The following SLC4A5 variants were observed in gnomAD, a reference collection of about 807,000 sequenced individuals.
SLC4A5 encodes solute carrier family 4 member 5.
SLC4A5 carries 96 observed loss-of-function variants against 120.4 expected under a neutral mutation model. That is an observed-to-expected ratio of 0.80 (90% CI 0.68 to 0.94). The LOEUF is 0.94. Among genes scored for constraint, SLC4A5 ranks in the 40% least tolerant of loss-of-function variants. The pLI is 0.00. For synonymous variants in SLC4A5, 550 were observed against 571.1 expected, an observed-to-expected ratio of 0.96 and a Z score of 0.53; for missense variants, 1,259 against 1,459.5, an observed-to-expected ratio of 0.86 and a Z score of 2.24.
chr2:74,264,232 G>GT lies in SLC4A5; in HGVS notation c.629dup (p.Tyr210Ter), dbSNP rs768457324. ...GGTGGCGGTGCCTCCTCAGGAGGAC[G>GT]TAACTGACCCTCTCCCGGAGCTCTG... is the stretch of plus-strand genomic sequence containing the variant. The change falls in exon 10 of 31, where the codon TAC becomes TAAC. Residue 210 changes from tyrosine to a stop codon, truncating the protein, a stop_gained and frameshift_variant. Coordinates refer to ENST00000394019, the Ensembl canonical transcript of SLC4A5. LOFTEE classifies it high-confidence loss of function. The GT allele has an allele frequency of 6.2e-7, 1 of 1,614,252 alleles. No individual in the cohort carries two copies. Among genetic ancestry groups the GT allele is most frequent in the South Asian group, 1.1e-5 (1 of 91,082 alleles).
At chr2:74,290,473 A>G in intron 7 of SLC4A5, 1 of 985,366 alleles carries the variant, frequency 1.0e-6, no homozygotes. Flanking sequence ...AGGACTGGGG[A>G]GGTGGAGAGA....
intron 14 of SLC4A5, among the ~76,000 whole-genome samples, chr2:74,254,350 A>C (rs1433388300): frequency 6.6e-6 from 1 of 152,126 alleles, no homozygotes; most frequent in Non-Finnish European, 1.5e-5. Context: ...CTTAGCTTTA[A>C]AGCCCCCTCA....
chr2:74,234,485 C>T (rs1174897107), intron 22 of SLC4A5, among the ~76,000 whole-genome samples: 2 of 152,196 alleles, frequency 1.3e-5, no homozygotes, highest in Admixed American at 1.3e-4. Context: ...CCGGTTGGTG[C>T]TCTTATGAGG....
At chr2:74,296,786 CAA>C (rs11374814) in intron 7 of SLC4A5, among the ~76,000 whole-genome samples, 14 of 73,012 alleles carry the variant, frequency 1.9e-4, no homozygotes, top group Non-Finnish European at 1.8e-4. Context: ...GACTCTGTCT[CAA>C]AAAAAAAAAA....
chr2:74,335,181 A>G (rs191278987), intron 3 of SLC4A5, among the ~76,000 whole-genome samples: 76 of 152,302 alleles, frequency 5.0e-4, no homozygotes, highest in African/African-American at 1.7e-3. Flanking sequence ...AACTTGCCCA[A>G]AGTCATGTGA....
At chr2:74,245,152 G>A (rs147052857) in intron 19 of SLC4A5, among the ~76,000 whole-genome samples, 305 of 152,046 alleles carry the variant, frequency 2.0e-3, no homozygotes, top group African/African-American at 5.5e-3. Flanking sequence ...AACCCTGTCT[G>A]TACTAAAAAT....
intron 27 of SLC4A5, 65 bp downstream of exon 27, chr2:74,226,892 G>T: frequency 1.3e-6 from 2 of 1,554,542 alleles, no homozygotes; most frequent in Non-Finnish European, 1.8e-6. Flanking sequence ...GGGAGGTTGC[G>T]CTGCACCTCT....
chr2:74,239,334 C>T lies in SLC4A5; in HGVS notation c.2319+1G>A. On this transcript the variant is annotated splice_donor_variant, in intron 21 of 30. Coordinates refer to ENST00000394019, the Ensembl canonical transcript of SLC4A5. LOFTEE classifies it high-confidence loss of function. The stretch of plus-strand genomic sequence containing the variant: ...CCCTCCTAACTGCAGGGTGAGCTTA[C>T]CTTGGTAGGAAAATAGCGGCTGAAT... The T allele has an allele frequency of 6.2e-7, 1 of 1,614,130 alleles. No homozygotes were observed. The highest frequency in any genetic ancestry group is 2.2e-5 in the East Asian group (1 of 44,890).
chr2:74,330,752 T>C (rs1040735067), intron 4 of SLC4A5, among the ~76,000 whole-genome samples: 4 of 142,214 alleles, frequency 2.8e-5, no homozygotes, highest in African/African-American at 8.0e-5. Context: ...GAGGTCTATA[T>C]GGAGGTGCTG....
chr2:74,290,703 A>C, intron 7 of SLC4A5: 1 of 985,156 alleles, frequency 1.0e-6, no homozygotes, highest in Non-Finnish European at 1.2e-6. Context: ...TCTCAGGTGC[A>C]CTAGAGAGAG....
At chr2:74,291,295 T>C (rs183407055) in intron 7 of SLC4A5, among the ~76,000 whole-genome samples, 33 of 152,284 alleles carry the variant, frequency 2.2e-4, no homozygotes, top group African/African-American at 7.2e-4. Flanking sequence ...AAACTCCTAA[T>C]CTCCTGGGTT....
chr2:74,314,908 T>C (rs1672915661), intron 6 of SLC4A5, 37 bp downstream of exon 6: 1 of 1,547,214 alleles, frequency 6.5e-7, no homozygotes, highest in Admixed American at 1.7e-5. Context: ...TCTCAGTGCC[T>C]CCTGAGATTT....
chr2:74,324,805 C>T (rs1673180221), intron 5 of SLC4A5, among the ~76,000 whole-genome samples: 1 of 152,124 alleles, frequency 6.6e-6, no homozygotes, highest in African/African-American at 2.4e-5. Flanking sequence ...ATTCCAGCCA[C>T]AGAGACTGGT....
chr2:74,226,842 G>T, intron 27 of SLC4A5, 115 bp downstream of exon 27: 1 of 1,245,808 alleles, frequency 8.0e-7, no homozygotes, highest in Non-Finnish European at 1.1e-6. Flanking sequence ...ACCCGAGGGA[G>T]CCAGGCCACA....
intron 8 of SLC4A5, among the ~76,000 whole-genome samples, chr2:74,272,230 T>C (rs1671495917): frequency 6.6e-6 from 1 of 152,186 alleles, no homozygotes; most frequent in African/African-American, 2.4e-5. Flanking sequence ...CAAGAATTGC[T>C]ATGAGTTAGC....
chr2:74,261,974 G>A (rs1255369645), intron 11 of SLC4A5, among the ~76,000 whole-genome samples, 163 bp downstream of exon 11: 3 of 152,202 alleles, frequency 2.0e-5, no homozygotes, highest in African/African-American at 7.2e-5. Context: ...GAGGCCCTGA[G>A]AGCAGCCTGG....
chr2:74,261,147 C>G (rs1340420435), intron 11 of SLC4A5, among the ~76,000 whole-genome samples: 3 of 152,184 alleles, frequency 2.0e-5, no homozygotes, highest in Non-Finnish European at 4.4e-5. Context: ...TGAATATGAC[C>G]TGGTTCACAC....
intron 23 of SLC4A5, 72 bp downstream of exon 23, chr2:74,233,330 T>C (rs1434506891): frequency 5.8e-6 from 9 of 1,545,588 alleles, no homozygotes; most frequent in South Asian, 3.4e-5. Context: ...AGAAGCATCA[T>C]GTCCTTCCTT....
chr2:74,316,321 TAAAAAAAAAAAAAAAA>T lies in SLC4A5; in HGVS notation c.-2-1312_-2-1297del, dbSNP rs60481743. Among the ~76,000 whole-genome samples the T allele has an allele frequency of 3.9e-4, 20 of 51,188 alleles. 1 individual carries two copies. The highest frequency in any genetic ancestry group is 6.8e-4 in the Non-Finnish European group (16 of 23,400). The allele number at this position is 51,188 out of a possible 152,430, so 33.6% of individuals were successfully genotyped here. On this transcript the variant is annotated intron_variant, in intron 5 of 30. Transcript: ENST00000394019. The stretch of plus-strand genomic sequence containing the variant: ...GCTAGGTTATGCTACAAAAGAGTTG[TAAAAAAAAAAAAAAAA>T]AAAAAAAAAAAGAGTTGTAAACTAA...
Sources: allele counts gnomAD v4.1 joint callset (sites outside exome capture counted in the v4.1 genomes callset), GRCh38; gene constraint gnomAD v4.1.1; transcripts MANE v1.5; gene names NCBI Gene and HGNC (gene_info 2026-07-23, HGNC 2026-07-21).